The following PIGK variants were observed in gnomAD, a reference collection of about 807,000 sequenced individuals.
PIGK encodes the protein phosphatidylinositol glycan anchor biosynthesis class K.
PIGK carries 42 observed loss-of-function variants against 50.6 expected under a neutral mutation model. That is an observed-to-expected ratio of 0.83 (90% CI 0.65 to 1.07). The LOEUF (loss-of-function observed/expected upper bound fraction) is 1.07, where lower values mean the gene tolerates loss of function less well. Among genes scored for constraint, PIGK ranks in the 50% least tolerant of loss-of-function variants. The pLI is 0.00. For synonymous variants in PIGK, 151 were observed against 156.0 expected (o/e 0.97, Z 0.24); for missense variants, 448 against 488.7 (o/e 0.92, Z 0.78).
chr1:77,159,091 C>G (rs963816102), intron 8 of PIGK, among the ~76,000 whole-genome samples: 1 of 152,064 alleles, frequency 6.6e-6, no homozygotes, highest in Non-Finnish European at 1.5e-5. Flanking sequence ...GGCCTAGGAC[C>G]CCCTGCACTG....
intron 9 of PIGK, among the ~76,000 whole-genome samples, chr1:77,126,256 G>T (rs1654227889): frequency 6.6e-6 from 1 of 152,184 alleles, no homozygotes; most frequent in Non-Finnish European, 1.5e-5. Context: ...AAGAAGATTT[G>T]ATTTTAATTT....
In PIGK at chr1:77,183,980, T is replaced by C. The variant is rs368290457; in HGVS notation, c.240-14585A>G. ...CAGCAACTGCATTTTTGAAGAGCCC[T>C]GTTATTGCTCTTCTCTGTATGTCAG... On this transcript the variant is annotated intron_variant, in intron 3 of 10. Coordinates refer to ENST00000370812, the MANE Select transcript of PIGK (RefSeq NM_005482.3). Among the ~76,000 whole-genome samples, 35 of 152,270 alleles carry C rather than the reference T, an allele frequency of 2.3e-4. No individual in the cohort carries two copies. The East Asian group carries it at 5.6e-3, about 24-fold the overall frequency.
chr1:77,142,695 AC>A (rs752843608), intron 9 of PIGK, among the ~76,000 whole-genome samples: 2 of 152,060 alleles, frequency 1.3e-5, no homozygotes, highest in Non-Finnish European at 2.9e-5. Context: ...GAAAGGCCAG[AC>A]ACTTATAAAA....
At chr1:77,183,067 A>G (rs149115101) in intron 3 of PIGK, among the ~76,000 whole-genome samples, 1,998 of 152,260 alleles carry the variant, frequency 0.013, 53 homozygotes, top group African/African-American at 0.046. Flanking sequence ...AAGAGTTGAA[A>G]TTGTGGAAAA....
At chr1:77,174,598 T>C (rs541392515) in intron 3 of PIGK, among the ~76,000 whole-genome samples, 1 of 152,278 alleles carries the variant, frequency 6.6e-6, no homozygotes, top group South Asian at 2.1e-4. Flanking sequence ...GATACTCAGC[T>C]CTGCACATTT....
chr1:77,159,373 C>G (rs1328721683), intron 8 of PIGK, among the ~76,000 whole-genome samples: 3 of 152,134 alleles, frequency 2.0e-5, no homozygotes, highest in African/African-American at 7.2e-5. Flanking sequence ...TAGGGCAGTG[C>G]AGAAGGAAAA....
chr1:77,122,964 A>G (rs1440846738), intron 9 of PIGK, among the ~76,000 whole-genome samples: 2 of 152,122 alleles, frequency 1.3e-5, no homozygotes, highest in Non-Finnish European at 2.9e-5. Flanking sequence ...TGTATATCTA[A>G]TATTTATCAA....
chr1:77,146,826 A>G (rs1654780421), intron 9 of PIGK, among the ~76,000 whole-genome samples: 1 of 151,922 alleles, frequency 6.6e-6, no homozygotes, highest in Admixed American at 6.6e-5. Flanking sequence ...AAAATTAGCC[A>G]GGCATGGCAG....
intron 10 of PIGK, among the ~76,000 whole-genome samples, chr1:77,115,635 G>A (rs1653943584): frequency 6.6e-6 from 1 of 151,828 alleles, no homozygotes; most frequent in Non-Finnish European, 1.5e-5. Flanking sequence ...GGTTACACTG[G>A]AAAAAAATAC....
chr1:77,169,559 T>C (rs1303913786), intron 3 of PIGK, among the ~76,000 whole-genome samples, 164 bp from the exon 4 acceptor site: 1 of 150,460 alleles, frequency 6.6e-6, no homozygotes, highest in African/African-American at 2.4e-5. Context: ...CATATCCTTG[T>C]GTACTATATA....
intron 10 of PIGK, among the ~76,000 whole-genome samples, chr1:77,116,826 C>A (rs1653985770): frequency 6.6e-6 from 1 of 152,064 alleles, no homozygotes; most frequent in South Asian, 2.1e-4. Context: ...CTTACCATCA[C>A]ACATTTTTGT....
At chr1:77,141,133 C>T (rs907346303) in intron 9 of PIGK, among the ~76,000 whole-genome samples, 1 of 151,724 alleles carries the variant, frequency 6.6e-6, no homozygotes, top group East Asian at 1.9e-4. Context: ...TTAATAAAAC[C>T]CAGTTTAAAC....
intron 5 of PIGK, among the ~76,000 whole-genome samples, chr1:77,166,466 T>C (rs529340097): frequency 6.6e-6 from 1 of 152,086 alleles, no homozygotes; most frequent in African/African-American, 2.4e-5. Flanking sequence ...TGTAGCAGGA[T>C]ACCAAGCAAA....
chr1:77,117,577 G>A (rs960559319), intron 10 of PIGK, among the ~76,000 whole-genome samples: 2 of 152,176 alleles, frequency 1.3e-5, no homozygotes, highest in African/African-American at 4.8e-5. Flanking sequence ...TCTCTGAGGT[G>A]CCTGGTACCT....
intron 10 of PIGK, among the ~76,000 whole-genome samples, chr1:77,092,830 C>G (rs567389092): frequency 6.6e-6 from 1 of 152,070 alleles, no homozygotes; most frequent in Non-Finnish European, 1.5e-5. Flanking sequence ...ATTAATTTGT[C>G]GGTTTTATCT....
chr1:77,209,028 C>T (rs1488171388), intron 2 of PIGK, among the ~76,000 whole-genome samples: 1 of 152,008 alleles, frequency 6.6e-6, no homozygotes, highest in African/African-American at 2.4e-5. Flanking sequence ...CATTTATAAT[C>T]CCCAGTTTTC....
At chr1:77,096,385 A>G (rs1289166504) in intron 10 of PIGK, among the ~76,000 whole-genome samples, 2 of 152,122 alleles carry the variant, frequency 1.3e-5, no homozygotes, top group African/African-American at 4.8e-5. Context: ...CTATATCCCT[A>G]TCCTTTGAAT....
chr1:77,103,145 G>A (rs1246626494), intron 10 of PIGK, among the ~76,000 whole-genome samples: 1 of 152,024 alleles, frequency 6.6e-6, no homozygotes, highest in African/African-American at 2.4e-5. Flanking sequence ...ACATTATGAG[G>A]CATACAATAT....
rs144863211 is a variant in PIGK, at chr1:77,169,968, C to T, written c.240-573G>A. The stretch of plus-strand genomic sequence containing the variant: ...ACACCTCCAAGCCAATCACTCCTCA[C>T]AAGATCCACAAATCCACTCCATTTC... On this transcript the variant is annotated intron_variant, in intron 3 of 10. Coordinates refer to ENST00000370812, the MANE Select transcript of PIGK (RefSeq NM_005482.3). Among the ~76,000 whole-genome samples, 299 of 152,274 alleles carry T rather than the reference C, an allele frequency of 2.0e-3. 2 individuals carry two copies. The highest frequency in any genetic ancestry group is 6.8e-3 in the African/African-American group (283 of 41,536).
Sources: allele counts gnomAD v4.1 joint callset (sites outside exome capture counted in the v4.1 genomes callset), GRCh38; gene constraint gnomAD v4.1.1; transcripts MANE v1.5; gene names NCBI Gene and HGNC (gene_info 2026-07-23, HGNC 2026-07-21).